MGA: variants seen among roughly 807,000 people sequenced by gnomAD.
MGA encodes the protein MAX gene-associated protein.
Under a neutral mutation model 261.1 loss-of-function variants are expected in MGA, and 40 were observed. The ratio of observed to expected loss-of-function variants is 0.15; its 90% confidence interval spans 0.12 to 0.20. MGA has a LOEUF of 0.20. Among genes scored for constraint, MGA ranks in the 10% least tolerant of loss-of-function variants. The probability of loss-of-function intolerance (pLI) is 1.00; values close to 1 mark genes in which losing one functional copy is unlikely to be tolerated. For missense variants in MGA, 3,397 were observed against 3,630.5 expected (o/e 0.94, Z 1.65); for synonymous variants, 1,302 against 1,290.6 (o/e 1.01, Z -0.19).
chr15:41,692,337 G>A (rs1309844516), intron 2 of MGA, among the ~76,000 whole-genome samples: 1 of 152,154 alleles, frequency 6.6e-6, no homozygotes, highest in African/African-American at 2.4e-5. Context: ...TCCTCTGGAG[G>A]GGGTGGTAAT....
At chr15:41,750,745 T>C in intron 17 of MGA, 130 bp downstream of exon 17, 2 of 810,180 alleles carry the variant, frequency 2.5e-6, no homozygotes, top group Non-Finnish European at 3.8e-6. Context: ...GATTATGACT[T>C]AAATGGCTTA....
rs201214955 is a variant in MGA at position 41,698,865 on chromosome 15, A to T, written c.2016A>T (p.Glu672Asp). 661 of 1,534,880 alleles carry T rather than the reference A, an allele frequency of 4.3e-4. No individual in the cohort carries two copies. The highest frequency in any genetic ancestry group is 5.6e-4 in the Non-Finnish European group (643 of 1,141,172). Residue 672 changes from glutamate to aspartate, a missense_variant and splice_region_variant, in exon 4 of 24, where the codon GAA becomes GAT. By Grantham distance (45) the Glu-to-Asp change is conservative (BLOSUM62 2). Around this residue, in one of 9 missense-constraint regions of MGA, gnomAD observed 563 missense variants for 563.6 expected, o/e 1.00. Coordinates refer to ENST00000219905, the MANE Select transcript of MGA (RefSeq NM_001164273.2). ...TTTTTTTTTTTTTTGATGTATAGGAAGCTCTAGACATTCATGCAGTTGATG... is the reference window on the plus strand; with the variant it reads ...TTTTTTTTTTTTTTGATGTATAGGATGCTCTAGACATTCATGCAGTTGATG...
chr15:41,754,779 T>A (rs1230142415), intron 18 of MGA, among the ~76,000 whole-genome samples: 1 of 152,196 alleles, frequency 6.6e-6, no homozygotes, highest in Non-Finnish European at 1.5e-5. Context: ...GTGAATAACA[T>A]GCTTTTGGAG....
chr15:41,723,965 G>GTT (rs79177668), intron 9 of MGA, among the ~76,000 whole-genome samples: 14 of 141,980 alleles, frequency 9.9e-5, no homozygotes, highest in Non-Finnish European at 1.1e-4. Flanking sequence ...TATCTTAAGA[G>GTT]TTTTTTTTTT....
At chr15:41,640,494 G>A (rs1208442889) in intron 1 of MGA, among the ~76,000 whole-genome samples, 4 of 151,912 alleles carry the variant, frequency 2.6e-5, no homozygotes, top group Admixed American at 6.6e-5. Flanking sequence ...TGACATTAGC[G>A]TCTAACATTT....
chr15:41,679,535 G>C (rs902474742), intron 2 of MGA, among the ~76,000 whole-genome samples: 1 of 151,998 alleles, frequency 6.6e-6, no homozygotes, highest in Admixed American at 6.5e-5. Flanking sequence ...CTATTCCTAA[G>C]TATTTTATTC....
upstream of MGA, among the ~76,000 whole-genome samples, chr15:41,657,777 C>A (rs1437634624): frequency 6.6e-6 from 1 of 151,998 alleles, no homozygotes; most frequent in African/African-American, 2.4e-5. Flanking sequence ...TAAACAAGGC[C>A]ATAGTCCAGG....
In MGA at chr15:41,736,554, T is replaced by G. The variant is rs773148273; in HGVS notation, c.4290T>G (p.Ser1430=). 1 of 1,613,900 alleles carries G rather than the reference T, an allele frequency of 6.2e-7. No homozygotes were observed. Among genetic ancestry groups the G allele is most frequent in the African/African-American group, 1.3e-5 (1 of 74,932 alleles). Reference sequence around the variant, plus strand: ...CCCCTGGGAAAATGGAGGATATCTCTCCTGTGCAGACAGATGCCCTGGATT... The same window carrying G: ...CCCCTGGGAAAATGGAGGATATCTCGCCTGTGCAGACAGATGCCCTGGATT... Residue 1430 remains serine (S), a synonymous_variant, in exon 13 of 24, where the codon TCT becomes TCG. Coordinates refer to ENST00000219905, the MANE Select transcript of MGA (RefSeq NM_001164273.2).
chr15:41,756,982 T>TATAG (rs71904967), intron 18 of MGA, among the ~76,000 whole-genome samples: 2 of 151,108 alleles, frequency 1.3e-5, no homozygotes, highest in African/African-American at 4.9e-5. Flanking sequence ...TTTGTTTAGA[T>TATAG]ATATATATAT....
chr15:41,656,426 C>T (rs1277797263), upstream of MGA, among the ~76,000 whole-genome samples: 1 of 149,388 alleles, frequency 6.7e-6, no homozygotes, highest in Non-Finnish European at 1.5e-5. Flanking sequence ...ACTGCAACCT[C>T]TGCCCCCTGG....
chr15:41,728,388 C>G (rs925160550), intron 10 of MGA, among the ~76,000 whole-genome samples: 2 of 152,176 alleles, frequency 1.3e-5, no homozygotes, highest in African/African-American at 4.8e-5. Flanking sequence ...GATCTCCACG[C>G]AGTCCAAATT....
intron 2 of MGA, among the ~76,000 whole-genome samples, chr15:41,689,621 A>AGT (rs2059161236): frequency 1.4e-5 from 2 of 147,076 alleles, no homozygotes; most frequent in South Asian, 2.1e-4. Context: ...GCTGGAGTGC[A>AGT]GTGATGTGAT....
intron 1 of MGA, among the ~76,000 whole-genome samples, chr15:41,668,581 A>C (rs1566950947): frequency 6.6e-6 from 1 of 152,174 alleles, no homozygotes; most frequent in East Asian, 1.9e-4. Flanking sequence ...TTTATAGTGA[A>C]TTGTTAGAGG....
At chr15:41,670,879 C>A (rs896928244) in intron 2 of MGA, among the ~76,000 whole-genome samples, 2 of 152,148 alleles carry the variant, frequency 1.3e-5, no homozygotes, top group African/African-American at 2.4e-5. Flanking sequence ...ATTAGGATAT[C>A]CCTCAGGCAG....
intron 2 of MGA, among the ~76,000 whole-genome samples, chr15:41,682,912 T>C (rs749230472): frequency 1.6e-4 from 25 of 152,218 alleles, no homozygotes; most frequent in Non-Finnish European, 3.1e-4. Context: ...TTTAAGATGT[T>C]TAAGTAAAAT....
At chr15:41,733,567 A>G (rs2061620914) in intron 11 of MGA, among the ~76,000 whole-genome samples, 1 of 152,252 alleles carries the variant, frequency 6.6e-6, no homozygotes, top group African/African-American at 2.4e-5. Context: ...GAAAACCACT[A>G]AAGGTATAAA....
At chr15:41,750,876 C>T (rs2062792912) in intron 17 of MGA, 2 of 293,010 alleles carry the variant, frequency 6.8e-6, no homozygotes, top group African/African-American at 4.3e-5. Context: ...AGAGTCCCTA[C>T]CGAGTTAGAT....
chr15:41,672,773 G>T (rs2058132953), intron 2 of MGA, among the ~76,000 whole-genome samples: 1 of 152,098 alleles, frequency 6.6e-6, no homozygotes, highest in Non-Finnish European at 1.5e-5. Context: ...ATAGATGCTT[G>T]TAAAGCGTAA....
At chr15:41,638,281 G>C (rs1353740384) in intron 1 of MGA, among the ~76,000 whole-genome samples, 1 of 151,704 alleles carries the variant, frequency 6.6e-6, no homozygotes, top group Non-Finnish European at 1.5e-5. Context: ...GACTTCAGGT[G>C]ATCCGCCTGT....
Sources: allele counts gnomAD v4.1 joint callset (sites outside exome capture counted in the v4.1 genomes callset), GRCh38; gene constraint gnomAD v4.1.1; regional missense constraint gnomAD v4.1.1; transcripts MANE v1.5; gene names NCBI Gene and HGNC (gene_info 2026-07-23, HGNC 2026-07-21).